Variants in NRG3 observed in about 807,000 individuals in gnomAD.
NRG3 encodes the protein pro-neuregulin-3, membrane-bound isoform.
In NRG3, 31 loss-of-function variants were observed where a neutral mutation model predicts 66.9. That is an observed-to-expected ratio of 0.46 (90% CI 0.35 to 0.63). The LOEUF (loss-of-function observed/expected upper bound fraction) is 0.63. Among genes scored for constraint, NRG3 ranks in the 20% least tolerant of loss-of-function variants. The pLI, the probability that NRG3 is intolerant of heterozygous loss-of-function variation, is 0.00. For missense variants in NRG3, 910 were observed against 878.9 expected (o/e 1.04, Z -0.45); for synonymous variants, 393 against 359.4 (o/e 1.09, Z -1.06).
At chr10:82,760,126 T>G (rs2059245725) in intron 3 of NRG3, among the ~76,000 whole-genome samples, 1 of 152,078 alleles carries the variant, frequency 6.6e-6, no homozygotes. Context: ...GGAGGTTTAA[T>G]TTACTCTCAG....
intron 6 of NRG3, among the ~76,000 whole-genome samples, chr10:82,963,402 CGGGCGCGGT>C (rs1850871574): frequency 6.6e-6 from 1 of 152,172 alleles, no homozygotes; most frequent in Admixed American, 6.5e-5. Flanking sequence ...TGCATTAGGC[CGGGCGCGGT>C]GGCTCACGCC....
rs760462021 is a variant in NRG3 at position 82,417,114 on chromosome 10, C to CA, written c.953+58252dup. Among the ~76,000 whole-genome samples, 8 of 152,240 alleles carry CA rather than the reference C, an allele frequency of 5.3e-5. No homozygotes were observed. In the East Asian group the frequency reaches 9.7e-4, roughly 18 times the overall value. ...CACTCATTCTTTCCCTTCAGCTCCA[C>CA]AAAAAATCCACTTACAAATATTTTA... is the stretch of plus-strand genomic sequence containing the variant. On this transcript the variant is annotated intron_variant, in intron 2 of 8. Coordinates refer to ENST00000372141, the MANE Select transcript of NRG3 (RefSeq NM_001010848.4).
chr10:82,725,478 G>A (rs1488682648), intron 2 of NRG3, among the ~76,000 whole-genome samples: 3 of 152,138 alleles, frequency 2.0e-5, no homozygotes, highest in Admixed American at 1.3e-4. Context: ...TTTTCCCCAA[G>A]TGCCTTATCC....
At chr10:82,634,566 C>G (rs768343464) in intron 2 of NRG3, among the ~76,000 whole-genome samples, 2 of 152,084 alleles carry the variant, frequency 1.3e-5, no homozygotes, top group Non-Finnish European at 2.9e-5. Flanking sequence ...GAAATAGACC[C>G]AGAAGAGAGC....
At chr10:82,345,899 T>A (rs2082988694) in intron 1 of NRG3, among the ~76,000 whole-genome samples, 1 of 152,022 alleles carries the variant, frequency 6.6e-6, no homozygotes, top group Admixed American at 6.6e-5. Context: ...GCTTGTGATT[T>A]TTGTACATTG....
intron 4 of NRG3, among the ~76,000 whole-genome samples, chr10:82,905,193 T>C (rs1844607959): frequency 6.6e-6 from 1 of 152,180 alleles, no homozygotes; most frequent in South Asian, 2.1e-4. Flanking sequence ...TTCTGCAGAT[T>C]ATTTATATCC....
At chr10:82,572,596 T>TTGTG (rs3040192) in intron 2 of NRG3, among the ~76,000 whole-genome samples, 1 of 151,468 alleles carries the variant, frequency 6.6e-6, no homozygotes, top group African/African-American at 2.4e-5. Flanking sequence ...GTGGTTTTTT[T>TTGTG]TGTGTGTGTG....
intron 2 of NRG3, among the ~76,000 whole-genome samples, chr10:82,652,899 G>T (rs2051542102): frequency 6.6e-6 from 1 of 152,122 alleles, no homozygotes; most frequent in South Asian, 2.1e-4. Flanking sequence ...TGAGTTTTGG[G>T]TTATTTATGC....
intron 1 of NRG3, among the ~76,000 whole-genome samples, chr10:82,218,434 G>T (rs1239309321): frequency 1.3e-5 from 2 of 152,196 alleles, no homozygotes; most frequent in African/African-American, 4.8e-5. Context: ...GGCAGGGACT[G>T]TTGGGATTCA....
chr10:82,895,569 C>A lies in NRG3; in HGVS notation c.1054+30132C>A, dbSNP rs1843581581. Among the ~76,000 whole-genome samples, 3 of 150,184 alleles carry A rather than the reference C, an allele frequency of 2.0e-5. 1 individual carries two copies. In the South Asian group the frequency reaches 6.3e-4, roughly 32 times the overall value. On this transcript the variant is annotated intron_variant, in intron 4 of 8. Transcript: ENST00000372141. ...GCAGTGGCACGATCTCGGCTCACTG[C>A]AAGCTCTGCCTCCCAGGTTCACGCC...
chr10:82,681,431 A>C (rs962407561), intron 2 of NRG3, among the ~76,000 whole-genome samples: 9 of 152,358 alleles, frequency 5.9e-5, no homozygotes, highest in Middle Eastern at 3.4e-3. Flanking sequence ...TCATAAAATT[A>C]AAAAGTGCAG....
intron 1 of NRG3, among the ~76,000 whole-genome samples, chr10:82,167,146 C>T (rs1458387787): frequency 6.6e-6 from 1 of 151,406 alleles, no homozygotes; most frequent in Non-Finnish European, 1.5e-5. Flanking sequence ...ATTTTTTCTT[C>T]CTCATTGGTC....
At chr10:82,263,702 C>T (rs958222876) in intron 1 of NRG3, among the ~76,000 whole-genome samples, 3 of 151,980 alleles carry the variant, frequency 2.0e-5, no homozygotes, top group Non-Finnish European at 2.9e-5. Flanking sequence ...TTTCCATAGT[C>T]GAGATGTATA....
intron 2 of NRG3, among the ~76,000 whole-genome samples, chr10:82,537,228 A>C (rs183454570): frequency 6.6e-6 from 1 of 152,242 alleles, no homozygotes; most frequent in Admixed American, 6.5e-5. Context: ...CTTTTGAAGA[A>C]TTTCCTTAGG....
intron 3 of NRG3, among the ~76,000 whole-genome samples, chr10:82,806,485 G>A (rs1426497062): frequency 6.6e-6 from 1 of 152,142 alleles, no homozygotes; most frequent in Admixed American, 6.6e-5. Flanking sequence ...TGAGGTATTG[G>A]GTAATGAGCT....
At chr10:81,962,239 A>C (rs1263875877) in intron 1 of NRG3, among the ~76,000 whole-genome samples, 1 of 152,200 alleles carries the variant, frequency 6.6e-6, no homozygotes, top group African/African-American at 2.4e-5. Flanking sequence ...TAAATTGTGG[A>C]GCTTAATACC....
At chr10:82,827,930 T>C (rs983388776) in intron 3 of NRG3, among the ~76,000 whole-genome samples, 1 of 152,180 alleles carries the variant, frequency 6.6e-6, no homozygotes, top group African/African-American at 2.4e-5. Flanking sequence ...TCCATGTGTT[T>C]TCTTTGAACT....
At chr10:81,877,643 C>A in intron 1 of NRG3, 3 of 1,196,100 alleles carry the variant, frequency 2.5e-6, no homozygotes, top group Non-Finnish European at 2.1e-6. Context: ...AAAAGCAAAC[C>A]TACTTTGCTT....
chr10:82,579,028 A>G (rs1203886126), intron 2 of NRG3, among the ~76,000 whole-genome samples: 2 of 151,844 alleles, frequency 1.3e-5, no homozygotes, highest in Non-Finnish European at 2.9e-5. Flanking sequence ...TGCAATGCTT[A>G]TTTCTCAATC....
Sources: gnomAD v4.1 joint callset for allele counts (sites outside exome capture counted in the v4.1 genomes callset) on GRCh38, gnomAD v4.1.1 for gene constraint, MANE v1.5 for transcripts, NCBI Gene and HGNC (gene_info 2026-07-23, HGNC 2026-07-21) for gene names.